Variants in CYP4F22 observed in about 807,000 individuals in gnomAD.
The protein encoded by CYP4F22 is cytochrome P450 family 4 subfamily F member 22.
A neutral mutation model predicts 60.4 loss-of-function variants in CYP4F22; 37 were observed. The observed-to-expected ratio is 0.61, with a 90% CI of 0.47 to 0.81. CYP4F22 has a LOEUF of 0.81. CYP4F22 is among the 30% of genes least tolerant of loss of function. The probability of loss-of-function intolerance (pLI) is 0.00; values close to 1 mark genes in which losing one functional copy is unlikely to be tolerated. For synonymous variants in CYP4F22, 258 were observed against 280.5 expected, an observed-to-expected ratio of 0.92 and a Z score of 0.80; for missense variants, 655 against 715.0, an observed-to-expected ratio of 0.92 and a Z score of 0.96.
chr19:15,525,400 T>C lies in CYP4F22; in HGVS notation c.64T>C (p.Tyr22His). Residue 22 changes from tyrosine to histidine, a missense_variant, in exon 3 of 14, where the codon TAC (tyrosine) becomes CAC (histidine). Physicochemically the swap from Tyr to His is moderately conservative, Grantham distance 83. Transcript: ENST00000269703. The part of the protein sequence containing the change: ...LGLEKTAFRI[Y>H]AVSTLLLFLL... ...GCTGGAGAAGACGGCGTTCCGCATA[T>C]ACGCGGTGTCCACCCTTCTCCTCTT... 1 of 1,614,154 alleles carries C rather than the reference T, an allele frequency of 6.2e-7. No homozygotes were observed. The highest frequency in any genetic ancestry group is 1.3e-5 in the African/African-American group (1 of 75,032).
intron 4 of CYP4F22, among the ~76,000 whole-genome samples, chr19:15,531,979 G>T (rs1173901024): frequency 6.6e-6 from 1 of 151,948 alleles, no homozygotes. Context: ...GGTGGTGCGT[G>T]CCTATAGTCC....
chr19:15,533,440 C>T (rs539163661), intron 4 of CYP4F22, among the ~76,000 whole-genome samples: 2 of 152,170 alleles, frequency 1.3e-5, no homozygotes, highest in East Asian at 1.9e-4. Context: ...CTGGTAACCT[C>T]GAATCTGCTT....
At chr19:15,524,871 C>T (rs937071726) in intron 2 of CYP4F22, among the ~76,000 whole-genome samples, 4 of 152,192 alleles carry the variant, frequency 2.6e-5, no homozygotes, top group Non-Finnish European at 4.4e-5. Context: ...GGGGAAAGGA[C>T]GTGGCCAATA....
At chr19:15,521,244 T>C (rs1235001579) in intron 1 of CYP4F22, among the ~76,000 whole-genome samples, 1 of 150,338 alleles carries the variant, frequency 6.7e-6, no homozygotes, top group Non-Finnish European at 1.5e-5. Flanking sequence ...TTTTTTTTTT[T>C]TTTTTGAGAC....
At chr19:15,513,951 A>G (rs986181249) in intron 1 of CYP4F22, among the ~76,000 whole-genome samples, 1 of 152,208 alleles carries the variant, frequency 6.6e-6, no homozygotes, top group African/African-American at 2.4e-5. Flanking sequence ...TATGTGAACT[A>G]TGTGGAGATC....
rs1555725971 is a variant in CYP4F22 at position 15,509,904 on chromosome 19, C to CTTTCCTTCCTT, written c.-109+1321_-109+1322insTTTCCTTCCTT. 6.0e-3 allele frequency among the ~76,000 whole-genome samples: 520 copies of CTTTCCTTCCTT among 86,702 alleles called. 3 individuals carry two copies. The highest frequency in any genetic ancestry group is 0.028 in the Admixed American group (233 of 8,292). The allele number at this position is 86,702 out of a possible 152,430, so 56.9% of individuals were successfully genotyped here. On this transcript the variant is annotated intron_variant, in intron 1 of 13. Coordinates refer to ENST00000269703, the MANE Select transcript of CYP4F22 (RefSeq NM_173483.4). ...TCCTTCCTTCCTTCCTTCCTTCCTT[C>CTTTCCTTCCTT]CTTTCTTTCTTTCCTTCCTTCTTTC...
chr19:15,529,167 C>T (rs1278563923), intron 3 of CYP4F22, among the ~76,000 whole-genome samples: 2 of 149,664 alleles, frequency 1.3e-5, no homozygotes, highest in African/African-American at 2.5e-5. Flanking sequence ...TTGCTCTTGT[C>T]GTCCAGGCTG....
Position 15,549,174 on chromosome 19 carries a change from ACAACCCCACAGTGTGGC to A in CYP4F22, c.1309_1325del (p.Asn437Ter). 1 of 1,613,994 alleles carries A rather than the reference ACAACCCCACAGTGTGGC, an allele frequency of 6.2e-7. No individual in the cohort carries two copies. Among genetic ancestry groups the A allele is most frequent in the Non-Finnish European group, 8.5e-7 (1 of 1,179,988 alleles). Reference sequence around the variant, plus strand: ...TTGGTCAGCATCTATGGAACCCACCACAACCCCACAGTGTGGCCTGACTCCAAGGTGAGTGCCTGCCC... The same window carrying A: ...TTGGTCAGCATCTATGGAACCCACCACTGACTCCAAGGTGAGTGCCTGCCC... On this transcript the variant is annotated frameshift_variant, in exon 12 of 14. Coordinates refer to ENST00000269703, the MANE Select transcript of CYP4F22 (RefSeq NM_173483.4). LOFTEE classifies it high-confidence loss of function.
chr19:15,531,025 T>C (rs548794308), intron 4 of CYP4F22, among the ~76,000 whole-genome samples: 23 of 152,182 alleles, frequency 1.5e-4, no homozygotes, highest in African/African-American at 5.5e-4. Context: ...GAGGGTTGCT[T>C]GAGGCCAGGA....
intron 8 of CYP4F22, among the ~76,000 whole-genome samples, chr19:15,543,719 T>C (rs1409186421): frequency 6.6e-6 from 1 of 151,260 alleles, no homozygotes; most frequent in Non-Finnish European, 1.5e-5. Context: ...TAGCTTGGAG[T>C]GGTGGCATGT....
At chr19:15,512,124 G>T (rs921568846) in intron 1 of CYP4F22, among the ~76,000 whole-genome samples, 5 of 152,116 alleles carry the variant, frequency 3.3e-5, no homozygotes, top group African/African-American at 1.2e-4. Flanking sequence ...TGTGAGCTAC[G>T]TGACAAGGCC....
chr19:15,536,269 T>C (rs977323342), intron 4 of CYP4F22, among the ~76,000 whole-genome samples: 2 of 151,966 alleles, frequency 1.3e-5, no homozygotes, highest in African/African-American at 4.8e-5. Flanking sequence ...AATCCAGGAA[T>C]TGGAGGCAGC....
At chr19:15,537,502 G>A (rs372117862) in intron 5 of CYP4F22, 33 bp from the exon 6 acceptor site, 1 of 1,614,152 alleles carries the variant, frequency 6.2e-7, no homozygotes, top group Non-Finnish European at 8.5e-7. Context: ...AGAGTAACAG[G>A]AGAGGTCCCT....
At position 15,549,298 on chromosome 19, in the gene CYP4F22, G is replaced by A. The variant is rs947634662; in HGVS notation, c.1335+96G>A. ...AGGGCTGGTTGCAGGGCCTGAGTGC[G>A]CACACCCCTCCCCACTCCGCATTTA... is the stretch of plus-strand genomic sequence containing the variant. On this transcript the variant is annotated intron_variant, in intron 12 of 13. Coordinates refer to ENST00000269703, the MANE Select transcript of CYP4F22 (RefSeq NM_173483.4). The A allele has an allele frequency of 2.1e-5, 26 of 1,210,504 alleles. No homozygotes were observed. In the East Asian group the frequency reaches 2.3e-4, roughly 11 times the overall value. The allele number at this position is 1,210,504 out of a possible 1,614,324, so 75.0% of individuals were successfully genotyped here.
chr19:15,537,255 C>T (rs554444636), intron 4 of CYP4F22, 106 bp from the exon 5 acceptor site: 40 of 1,441,272 alleles, frequency 2.8e-5, no homozygotes, highest in South Asian at 1.4e-4. Flanking sequence ...GAGTGGAGAT[C>T]GCACCACTGC....
chr19:15,512,915 T>C (rs1971108055), intron 1 of CYP4F22, among the ~76,000 whole-genome samples: 1 of 152,122 alleles, frequency 6.6e-6, no homozygotes, highest in Admixed American at 6.6e-5. Flanking sequence ...AACTTAAGTT[T>C]CCCTTCCACC....
chr19:15,551,845 C>A lies in CYP4F22; in HGVS notation c.*374C>A. 3.1e-6 allele frequency: 1 copy of A among 318,536 alleles called. No individual in the cohort carries two copies. The highest frequency in any genetic ancestry group is 3.7e-5 in the South Asian group (1 of 26,980). The allele number at this position is 318,536 out of a possible 1,614,324, so 19.7% of individuals were successfully genotyped here. On this transcript the variant is annotated 3_prime_UTR_variant, in exon 14 of 14. Coordinates refer to ENST00000269703, the MANE Select transcript of CYP4F22 (RefSeq NM_173483.4). ...GGTCTCCAGGCCTTGCCCACTGAGC[C>A]TTCAGAGGACCTAAGACCCACCTAT...
At chr19:15,526,120 G>A (rs1971280049) in intron 3 of CYP4F22, among the ~76,000 whole-genome samples, 2 of 151,982 alleles carry the variant, frequency 1.3e-5, no homozygotes, top group African/African-American at 4.8e-5. Flanking sequence ...AGCTATGATT[G>A]TGCCACCGCA....
At chr19:15,547,615 G>A (rs1971541426) in intron 10 of CYP4F22, among the ~76,000 whole-genome samples, 1 of 151,982 alleles carries the variant, frequency 6.6e-6, no homozygotes, top group Non-Finnish European at 1.5e-5. Flanking sequence ...CTGAGGTCAG[G>A]CGTTTGAGAC....
Sources: gnomAD v4.1 joint callset for allele counts (sites outside exome capture counted in the v4.1 genomes callset) on GRCh38, gnomAD v4.1.1 for gene constraint, MANE v1.5 for transcripts, NCBI Gene and HGNC (gene_info 2026-07-23, HGNC 2026-07-21) for gene names.